Variants in EFCAB6 observed in about 807,000 individuals in gnomAD.
EFCAB6 encodes EF-hand calcium binding domain 6.
EFCAB6 carries 156 observed loss-of-function variants against 169.8 expected under a neutral mutation model. That is an observed-to-expected ratio of 0.92 (90% CI 0.81 to 1.05). The LOEUF (loss-of-function observed/expected upper bound fraction) is 1.05, where lower values mean the gene tolerates loss of function less well. Among genes scored for constraint, EFCAB6 ranks in the 50% least tolerant of loss-of-function variants. The probability of loss-of-function intolerance (pLI) is 0.00; values close to 1 mark genes in which losing one functional copy is unlikely to be tolerated. For missense variants in EFCAB6, 1,800 were observed against 1,829.1 expected (o/e 0.98, Z 0.29); for synonymous variants, 698 against 676.4 (o/e 1.03, Z -0.50).
chr22:43,699,511 A>T (rs1413848880), intron 10 of EFCAB6, among the ~76,000 whole-genome samples: 4 of 152,130 alleles, frequency 2.6e-5, no homozygotes, highest in Admixed American at 1.3e-4. Context: ...ATCCTTTAAT[A>T]AACTCACATC....
At chr22:43,763,285 C>G (rs1488201609) in intron 5 of EFCAB6, among the ~76,000 whole-genome samples, 2 of 151,910 alleles carry the variant, frequency 1.3e-5, no homozygotes, top group Non-Finnish European at 2.9e-5. Flanking sequence ...GTGATCTGCC[C>G]ACTTCGGCCT....
rs1569475471 is a variant in EFCAB6, at chr22:43,760,215, A to AG, written c.441-4384_441-4383insC. Among the ~76,000 whole-genome samples the AG allele has an allele frequency of 1.3e-4, 12 of 93,656 alleles. No homozygotes were observed. In the South Asian group the frequency reaches 4.1e-3, roughly 32 times the overall value. 61.4% of individuals were successfully genotyped at this position (93,656 alleles called of 152,430 possible). ...CAAGACTCTGTCTCAAAAAAAAAAAAAAAAGAAAAAAGAAAAAAAAAGAAA... is the reference window on the plus strand; with the variant it reads ...CAAGACTCTGTCTCAAAAAAAAAAAAGAAAAGAAAAAAGAAAAAAAAAGAAA... On this transcript the variant is annotated intron_variant, in intron 5 of 31. Coordinates refer to ENST00000262726, the MANE Select transcript of EFCAB6 (RefSeq NM_022785.4).
chr22:43,650,799 A>G (rs2148054657), intron 17 of EFCAB6, among the ~76,000 whole-genome samples: 1 of 152,346 alleles, frequency 6.6e-6, no homozygotes, highest in East Asian at 1.9e-4. Context: ...GAACTGGAGC[A>G]AAGGTGACTT....
chr22:43,618,979 C>T (rs6006731), intron 20 of EFCAB6, among the ~76,000 whole-genome samples: 87,136 of 151,308 alleles, frequency 0.58, 25,547 homozygotes, highest in Admixed American at 0.67. Context: ...CGGAGCAGCA[C>T]AGATAGGCTA....
At chr22:43,704,919 T>A (rs183294219) in intron 10 of EFCAB6, among the ~76,000 whole-genome samples, 1 of 152,074 alleles carries the variant, frequency 6.6e-6, no homozygotes, top group South Asian at 2.1e-4. Context: ...TTACTATGGA[T>A]GTAAATGGAT....
chr22:43,700,243 C>T (rs976531111), intron 10 of EFCAB6, among the ~76,000 whole-genome samples: 1 of 151,964 alleles, frequency 6.6e-6, no homozygotes, highest in Non-Finnish European at 1.5e-5. Context: ...GTCTTATTAC[C>T]AAGCTGTTAG....
Position 43,542,861 on chromosome 22 carries a change from C to T in EFCAB6, c.3649-2504G>A, listed in dbSNP as rs74385487. Among the ~76,000 whole-genome samples the T allele has an allele frequency of 2.5e-3, 378 of 152,252 alleles. 4 individuals are homozygous for T. Among genetic ancestry groups the T allele is most frequent in the African/African-American group, 8.5e-3 (352 of 41,548 alleles). Reference sequence around the variant, plus strand: ...GCCAGCCAGTGAGCTTGACATGAAACGTGGGCAAGACGCTGCTGGACTGTG... The same window carrying T: ...GCCAGCCAGTGAGCTTGACATGAAATGTGGGCAAGACGCTGCTGGACTGTG... On this transcript the variant is annotated intron_variant, in intron 27 of 31. Transcript: ENST00000262726.
At chr22:43,565,424 A>C (rs1307598142) in intron 26 of EFCAB6, among the ~76,000 whole-genome samples, 1 of 152,232 alleles carries the variant, frequency 6.6e-6, no homozygotes, top group Non-Finnish European at 1.5e-5. Flanking sequence ...GTAAGAAGTA[A>C]AAAGGGATGA....
chr22:43,796,476 A>G (rs542825744), intron 2 of EFCAB6, among the ~76,000 whole-genome samples: 18 of 152,310 alleles, frequency 1.2e-4, no homozygotes, highest in South Asian at 1.0e-3. Flanking sequence ...ATGGATATAA[A>G]AGTCTAATTT....
intron 17 of EFCAB6, among the ~76,000 whole-genome samples, chr22:43,652,677 T>G (rs1453501813): frequency 6.6e-6 from 1 of 152,102 alleles, no homozygotes; most frequent in East Asian, 1.9e-4. Flanking sequence ...CCTCTTAATT[T>G]TCTTAATAAA....
intron 1 of EFCAB6, among the ~76,000 whole-genome samples, chr22:43,809,957 G>A (rs1023028802): frequency 6.6e-6 from 1 of 151,988 alleles, no homozygotes; most frequent in African/African-American, 2.4e-5. Context: ...CTGGAGTACA[G>A]TGGCATTATC....
At chr22:43,786,700 C>T (rs73422423) in intron 2 of EFCAB6, among the ~76,000 whole-genome samples, 23,065 of 150,040 alleles carry the variant, frequency 0.15, 1,809 homozygotes, top group South Asian at 0.22. Flanking sequence ...GGCGATAGAG[C>T]GAGACTCCAT....
intron 22 of EFCAB6, among the ~76,000 whole-genome samples, chr22:43,605,044 G>A (rs577091539): frequency 6.2e-4 from 94 of 152,286 alleles, no homozygotes; most frequent in Middle Eastern, 3.4e-3. Flanking sequence ...GCTACAGCAG[G>A]TGCTCGGAAT....
chr22:43,812,008 G>A (rs1273543399), intron 1 of EFCAB6, among the ~76,000 whole-genome samples, 160 bp downstream of exon 1: 1 of 152,024 alleles, frequency 6.6e-6, no homozygotes, highest in Admixed American at 6.6e-5. Flanking sequence ...ACAAGCAGAC[G>A]CGCCATGAAC....
At chr22:43,665,448 A>T (rs1447248894) in intron 17 of EFCAB6, among the ~76,000 whole-genome samples, 1 of 152,222 alleles carries the variant, frequency 6.6e-6, no homozygotes, top group African/African-American at 2.4e-5. Context: ...CCAGGGGCAG[A>T]CTAGGGATTA....
At position 43,716,968 on chromosome 22, in the gene EFCAB6, G is replaced by C. The variant is rs145842623; in HGVS notation, c.762C>G (p.Val254=). The change falls in exon 9 of 32, where the codon GTC becomes GTG. Residue 254 remains valine (V), a synonymous_variant. Transcript: ENST00000262726. ...TTTTGGCTTGTTGATTCTCCAACGA[G>C]ACCTCTGTTGAAACAAAATAGCTTC... ...NLRYCMGNQE[V]SLENQQAKNS... The C allele has an allele frequency of 2.0e-6, 3 of 1,523,280 alleles. No homozygotes were observed. The African/African-American group carries it at 4.2e-5, about 21-fold the overall frequency. 94.4% of individuals were successfully genotyped at this position (1,523,280 alleles called of 1,614,324 possible). A position where few individuals can be genotyped will look rare whatever the true frequency, so the allele number is the denominator to read the frequency against.
chr22:43,714,279 A>C (rs1428878114), intron 9 of EFCAB6, among the ~76,000 whole-genome samples: 1 of 152,140 alleles, frequency 6.6e-6, no homozygotes, highest in Non-Finnish European at 1.5e-5. Context: ...ACAGCTATGA[A>C]GGAGAGGCAA....
At chr22:43,788,937 G>A (rs2062173753) in intron 2 of EFCAB6, among the ~76,000 whole-genome samples, 1 of 152,184 alleles carries the variant, frequency 6.6e-6, no homozygotes, top group Non-Finnish European at 1.5e-5. Flanking sequence ...GCAGTAACAT[G>A]GATCAACCTT....
intron 6 of EFCAB6, among the ~76,000 whole-genome samples, chr22:43,739,708 T>C (rs1301921117): frequency 6.6e-6 from 1 of 152,064 alleles, no homozygotes; most frequent in Non-Finnish European, 1.5e-5. Flanking sequence ...TCACATCCCA[T>C]ATGCAGTATA....
Sources: gnomAD v4.1 joint callset for allele counts (sites outside exome capture counted in the v4.1 genomes callset) on GRCh38, gnomAD v4.1.1 for gene constraint, MANE v1.5 for transcripts, NCBI Gene and HGNC (gene_info 2026-07-23, HGNC 2026-07-21) for gene names.